NTN4: variants seen among roughly 807,000 people sequenced by gnomAD.
NTN4 encodes netrin 4.
Under a neutral mutation model 73.6 loss-of-function variants are expected in NTN4, and 32 were observed. The ratio of observed to expected loss-of-function variants is 0.44; its 90% confidence interval spans 0.33 to 0.58. The LOEUF is 0.58. NTN4 is among the 20% of genes least tolerant of loss of function. The pLI, the probability that NTN4 is intolerant of heterozygous loss-of-function variation, is 0.04. For synonymous variants in NTN4, 258 were observed against 287.5 expected (o/e 0.90, Z 1.04); for missense variants, 654 against 798.3 (o/e 0.82, Z 2.18).
At chr12:95,738,703 A>G (rs1024924481) in intron 2 of NTN4, among the ~76,000 whole-genome samples, 6 of 152,214 alleles carry the variant, frequency 3.9e-5, no homozygotes, top group African/African-American at 1.4e-4. Context: ...CTTTTTGGAT[A>G]TAAAAGTATC....
chr12:95,777,418 TC>T (rs1345881422), intron 2 of NTN4, among the ~76,000 whole-genome samples: 1 of 152,062 alleles, frequency 6.6e-6, no homozygotes, highest in African/African-American at 2.4e-5. Context: ...AGGAAACCTA[TC>T]TCACGTGCAG....
intron 4 of NTN4, among the ~76,000 whole-genome samples, chr12:95,712,112 T>C (rs1442611114): frequency 6.6e-6 from 1 of 152,198 alleles, no homozygotes. Flanking sequence ...TAAATTCTTG[T>C]AAAAGAGAGG....
intron 7 of NTN4, among the ~76,000 whole-genome samples, chr12:95,678,818 C>T (rs547956736): frequency 1.3e-5 from 2 of 151,988 alleles, no homozygotes; most frequent in African/African-American, 4.8e-5. Flanking sequence ...TCCTTTATAT[C>T]AATAATCATT....
chr12:95,715,342 A>AT (rs1199305249), intron 3 of NTN4, among the ~76,000 whole-genome samples: 3 of 152,142 alleles, frequency 2.0e-5, no homozygotes, highest in African/African-American at 2.4e-5. Flanking sequence ...GAGTATACAG[A>AT]TTTTTTAAAA....
At chr12:95,727,190 T>C (rs1203752666) in intron 3 of NTN4, among the ~76,000 whole-genome samples, 1 of 152,194 alleles carries the variant, frequency 6.6e-6, no homozygotes, top group African/African-American at 2.4e-5. Flanking sequence ...GAATGTCTTT[T>C]TATGTGCTTA....
At chr12:95,689,866 T>C (rs1373561562) in intron 5 of NTN4, among the ~76,000 whole-genome samples, 1 of 152,226 alleles carries the variant, frequency 6.6e-6, no homozygotes, top group African/African-American at 2.4e-5. Flanking sequence ...CTACTTTGCA[T>C]TAGGCAGTTG....
At position 95,790,440 on chromosome 12, in the gene NTN4, C is replaced by G; in HGVS notation, c.-131G>C. 2 of 747,190 alleles carry G rather than the reference C, an allele frequency of 2.7e-6. No homozygotes were observed. Among genetic ancestry groups the G allele is most frequent in the Non-Finnish European group, 3.9e-6 (2 of 510,920 alleles). The allele number at this position is 747,190 out of a possible 1,614,324, so 46.3% of individuals were successfully genotyped here. A position where few individuals can be genotyped will look rare whatever the true frequency, so the allele number is the denominator to read the frequency against. On this transcript the variant is annotated 5_prime_UTR_variant, in exon 1 of 10. Transcript: ENST00000343702. This position sits in a 1 kb window ranked among gnomAD's most constrained non-coding sequence, Gnocchi z 6.5. ...TGGTTTCTTCCTCCTCCTGGGGCGC[C>G]GGGCTCGGTCAGCGGTCGCCGGCAG...
At chr12:95,679,049 A>G (rs2078296001) in intron 7 of NTN4, among the ~76,000 whole-genome samples, 1 of 152,210 alleles carries the variant, frequency 6.6e-6, no homozygotes, top group Admixed American at 6.5e-5. Flanking sequence ...CTTAATATAT[A>G]GAAAGGTATC....
In NTN4 at chr12:95,790,678, C is replaced by CCGGCCG. The variant is rs2121317790; in HGVS notation, c.-375_-370dup. ...TGAACTTTGCGAGACCTTTCACTTC[C>CCGGCCG]CGGCCGCCGCCGCCGCCTCCTCCTG... On this transcript the variant is annotated 5_prime_UTR_variant, in exon 1 of 10. Transcript: ENST00000343702. This position sits in a 1 kb window ranked among gnomAD's most constrained non-coding sequence, Gnocchi z 6.5. The CCGGCCG allele has an allele frequency of 6.0e-6, 1 of 166,670 alleles. No individual in the cohort carries two copies. The highest frequency in any genetic ancestry group is 2.4e-5 in the African/African-American group (1 of 41,990). The allele number at this position is 166,670 out of a possible 1,614,324, so 10.3% of individuals were successfully genotyped here.
intron 5 of NTN4, among the ~76,000 whole-genome samples, chr12:95,699,153 T>C (rs530638265): frequency 2.0e-5 from 3 of 152,192 alleles, no homozygotes; most frequent in Non-Finnish European, 4.4e-5. Flanking sequence ...TCACAGTTGC[T>C]TTCAATATAA....
At chr12:95,695,713 G>C (rs553288567) in intron 5 of NTN4, among the ~76,000 whole-genome samples, 2 of 152,160 alleles carry the variant, frequency 1.3e-5, no homozygotes, top group East Asian at 3.9e-4. Context: ...TTTAATTTCT[G>C]TATCATTCCT....
intron 2 of NTN4, among the ~76,000 whole-genome samples, chr12:95,766,844 A>T (rs1565913409): frequency 6.6e-6 from 1 of 152,098 alleles, no homozygotes; most frequent in Non-Finnish European, 1.5e-5. Context: ...TATACTGTTG[A>T]CTCACGTTGA....
intron 2 of NTN4, among the ~76,000 whole-genome samples, 192 bp downstream of exon 2, chr12:95,786,747 T>C (rs752946114): frequency 6.6e-6 from 1 of 152,186 alleles, no homozygotes; most frequent in Admixed American, 6.5e-5. Context: ...ACCCAGCCAG[T>C]GGGCAATCTG....
intron 3 of NTN4, among the ~76,000 whole-genome samples, chr12:95,724,252 T>G (rs1382152855): frequency 6.6e-6 from 1 of 152,230 alleles, no homozygotes; most frequent in African/African-American, 2.4e-5. Flanking sequence ...CCAGGAGGCT[T>G]AAGAAGATTA....
At chr12:95,705,423 C>A (rs1264227584) in intron 5 of NTN4, among the ~76,000 whole-genome samples, 2 of 152,180 alleles carry the variant, frequency 1.3e-5, no homozygotes, top group Non-Finnish European at 2.9e-5. Flanking sequence ...TTTCAGCCAA[C>A]CACTTACCTG....
intron 2 of NTN4, among the ~76,000 whole-genome samples, chr12:95,749,727 C>A: frequency 6.6e-6 from 1 of 152,192 alleles, no homozygotes; most frequent in East Asian, 1.9e-4. Context: ...CCCTTAGTGG[C>A]AAGTCCTGCT....
chr12:95,779,067 A>G (rs1420163903), intron 2 of NTN4, among the ~76,000 whole-genome samples: 2 of 152,228 alleles, frequency 1.3e-5, no homozygotes, highest in Non-Finnish European at 2.9e-5. Flanking sequence ...CCACATTATT[A>G]TCTCAGTAGA....
intron 3 of NTN4, among the ~76,000 whole-genome samples, chr12:95,720,030 A>G (rs1005655756): frequency 1.6e-4 from 25 of 152,220 alleles, no homozygotes; most frequent in African/African-American, 5.5e-4. Flanking sequence ...TTAAAGAATA[A>G]AAATTAACCA....
chr12:95,744,346 G>A (rs1240604130), intron 2 of NTN4, among the ~76,000 whole-genome samples: 6 of 152,072 alleles, frequency 3.9e-5, no homozygotes, highest in African/African-American at 1.4e-4. Context: ...TATTAGTAGG[G>A]TATATCTTTT....
Sources: gnomAD v4.1 joint callset for allele counts (sites outside exome capture counted in the v4.1 genomes callset) on GRCh38, gnomAD v4.1.1 for gene constraint, Gnocchi (gnomAD v3.1) non-coding constraint, MANE v1.5 for transcripts, NCBI Gene and HGNC (gene_info 2026-07-23, HGNC 2026-07-21) for gene names.